The following CHI3L1 variants were observed in gnomAD, a reference collection of about 807,000 sequenced individuals.
The protein encoded by CHI3L1 is chitinase 3 like 1.
Under a neutral mutation model 40.7 loss-of-function variants are expected in CHI3L1, and 30 were observed. The observed-to-expected ratio is 0.74, with a 90% confidence interval of 0.55 to 1.00. The LOEUF is 1.00. CHI3L1 is among the 50% of genes least tolerant of loss of function. The probability of loss-of-function intolerance (pLI) is 0.00; values close to 1 mark genes in which losing one functional copy is unlikely to be tolerated. For missense variants in CHI3L1, 493 were observed against 492.2 expected, an observed-to-expected ratio of 1.00 and a Z score of -0.01; for synonymous variants, 210 against 192.1, an observed-to-expected ratio of 1.09 and a Z score of -0.77.
chr1:203,179,341 GCTCAGCCTGGGA>G lies in CHI3L1; in HGVS notation c.*92_*103del, dbSNP rs1655875939. 1 of 1,055,296 alleles carries G rather than the reference GCTCAGCCTGGGA, an allele frequency of 9.5e-7. No individual in the cohort carries two copies. Among genetic ancestry groups the G allele is most frequent in the Non-Finnish European group, 1.4e-6 (1 of 721,760 alleles). The allele number at this position is 1,055,296 out of a possible 1,614,324, so 65.4% of individuals were successfully genotyped here. On this transcript the variant is annotated 3_prime_UTR_variant, in exon 10 of 10. Transcript: ENST00000255409. ...TAGGCCCCAAGGGAGGGAGACTGAG[GCTCAGCCTGGGA>G]CTCAGCAGGGCAGGTGATCAGGCTC...
chr1:203,185,193 A>G lies in CHI3L1; in HGVS notation c.248T>C (p.Leu83Pro). The part of the protein sequence containing the change: ...DVTLYGMLNT[L>P]KNRNPNLKTL... ...CCAGCCCTGGCCCAACCTGTTCTTGAGTGTGTTGAGCATGCCGTAGAGCGT... is the reference window on the plus strand; with the variant it reads ...CCAGCCCTGGCCCAACCTGTTCTTGGGTGTGTTGAGCATGCCGTAGAGCGT... The change falls in exon 3 of 10, where the codon CTC becomes CCC. Residue 83 changes from leucine (L) to proline (P), a missense_variant. Coordinates refer to ENST00000255409, the MANE Select transcript of CHI3L1 (RefSeq NM_001276.4). 1 of 1,613,202 alleles carries G rather than the reference A, an allele frequency of 6.2e-7. No individual in the cohort carries two copies. The highest frequency in any genetic ancestry group is 8.5e-7 in the Non-Finnish European group (1 of 1,179,658).
chr1:203,183,068 A>G (rs1655970206), intron 5 of CHI3L1, among the ~76,000 whole-genome samples: 1 of 152,142 alleles, frequency 6.6e-6, no homozygotes. Context: ...AAACCCATGC[A>G]CACCCATCAG....
In CHI3L1 at chr1:203,179,419, C is replaced by G; in HGVS notation, c.*26G>C. The G allele has an allele frequency of 6.6e-7, 1 of 1,511,764 alleles. No homozygotes were observed. The highest frequency in any genetic ancestry group is 8.9e-7 in the Non-Finnish European group (1 of 1,128,788). 93.6% of individuals were successfully genotyped at this position (1,511,764 alleles called of 1,614,324 possible). The stretch of plus-strand genomic sequence containing the variant: ...CAGAGGGGGACGGGGCATCCTTGGC[C>G]CCCGTGCTGTGTGCAGAACAGAGGG... On this transcript the variant is annotated 3_prime_UTR_variant, in exon 10 of 10. Coordinates refer to ENST00000255409, the MANE Select transcript of CHI3L1 (RefSeq NM_001276.4).
At position 203,183,750 on chromosome 1, in the gene CHI3L1, A is replaced by G. The variant is rs999098195; in HGVS notation, c.356T>C (p.Phe119Ser). Residue 119 changes from phenylalanine (F) to serine (S), a missense_variant, in exon 5 of 10, where the codon TTC becomes TCC. Transcript: ENST00000255409. ...CAGAAATGGCGGTACTGACTTGATGAAAGTCCGGCGACTCTGGGTGTTGGA... is the reference window on the plus strand; with the variant it reads ...CAGAAATGGCGGTACTGACTTGATGGAAGTCCGGCGACTCTGGGTGTTGGA... The part of the protein sequence containing the change: ...IASNTQSRRT[F>S]IKSVPPFLRT... The G allele has an allele frequency of 6.2e-7, 1 of 1,614,192 alleles. No homozygotes were observed. Among genetic ancestry groups the G allele is most frequent in the Non-Finnish European group, 8.5e-7 (1 of 1,180,030 alleles).
At chr1:203,186,491 C>T in intron 1 of CHI3L1, 108 bp downstream of exon 1, 8 of 1,546,552 alleles carry the variant, frequency 5.2e-6, no homozygotes, top group Admixed American at 3.3e-5. Flanking sequence ...TTCTCCTCCC[C>T]CTCTGCCCAC....
intron 2 of CHI3L1, among the ~76,000 whole-genome samples, chr1:203,185,718 G>A (rs1452188620): frequency 6.6e-6 from 1 of 152,214 alleles, no homozygotes; most frequent in Non-Finnish European, 1.5e-5. Flanking sequence ...CAGGCTTCCT[G>A]GAAGCAGTGG....
chr1:203,185,369 C>A lies in CHI3L1; in HGVS notation c.72G>T (p.Leu24=). Residue 24 remains leucine, a synonymous_variant, in exon 3 of 10, where the codon CTG becomes CTT. Coordinates refer to ENST00000255409, the MANE Select transcript of CHI3L1 (RefSeq NM_001276.4). ...GGGACCAGCTGGTGTAGTAGCAGACCAGTTTGTATGCAGAGCCTGAAGGAG... is the reference window on the plus strand; with the variant it reads ...GGGACCAGCTGGTGTAGTAGCAGACAAGTTTGTATGCAGAGCCTGAAGGAG... ...VLLQCCSAYK[L]VCYYTSWSQY... 1 of 1,614,012 alleles carries A rather than the reference C, an allele frequency of 6.2e-7. No homozygotes were observed. The highest frequency in any genetic ancestry group is 8.5e-7 in the Non-Finnish European group (1 of 1,180,028).
intron 7 of CHI3L1, 37 bp downstream of exon 7, chr1:203,181,125 G>T: frequency 1.9e-6 from 3 of 1,610,098 alleles, no homozygotes; most frequent in Non-Finnish European, 2.5e-6. Context: ...CAGGTCTTGC[G>T]GCCCCCTCCT....
chr1:203,179,682 A>C (rs1020411445), intron 9 of CHI3L1, 79 bp downstream of exon 9: 12 of 1,613,994 alleles, frequency 7.4e-6, no homozygotes, highest in Non-Finnish European at 1.0e-5. Flanking sequence ...ACCTCAGTGC[A>C]AGGGACAGGA....
chr1:203,183,794 A>G lies in CHI3L1; in HGVS notation c.315-3T>C, dbSNP rs368392670. The G allele has an allele frequency of 2.5e-5, 41 of 1,614,034 alleles. No individual in the cohort carries two copies. In the African/African-American group the frequency reaches 4.9e-4, roughly 19 times the overall value. On this transcript the variant is annotated splice_polypyrimidine_tract_variant and splice_region_variant and intron_variant, in intron 4 of 9. Transcript: ENST00000255409. ...TGTTGGAGGCTATCTTGGAAAATCT[A>G]GGACCAAAATCAGCCCTGTAGCATG...
Position 203,181,202 on chromosome 1 carries a change from C to T in CHI3L1, c.671G>A (p.Arg224Gln), listed in dbSNP as rs114837679. The change falls in exon 7 of 10, where the codon CGA (arginine) becomes CAA (glutamine). Residue 224 changes from arginine (R) to glutamine (Q), a missense_variant. By Grantham distance (43) the Arg-to-Gln change is conservative. Coordinates refer to ENST00000255409, the MANE Select transcript of CHI3L1 (RefSeq NM_001276.4). ...GTTGHHSPLF[R>Q]GQEDASPDRF... ...GTCAGGACTTGCATCCTCCTGACCT[C>T]GGAACAGGGGACTGTGATGGCCTGT... The T allele has an allele frequency of 3.1e-4, 501 of 1,614,112 alleles. No homozygotes were observed. The highest frequency in any genetic ancestry group is 3.6e-4 in the Non-Finnish European group (427 of 1,180,000).
intron 2 of CHI3L1, among the ~76,000 whole-genome samples, chr1:203,186,110 A>G (rs975488595): frequency 3.3e-5 from 5 of 152,216 alleles, no homozygotes; most frequent in African/African-American, 1.2e-4. Flanking sequence ...TCTTATTTTG[A>G]GAATTTTCAC....
At position 203,183,681 on chromosome 1, in the gene CHI3L1, G is replaced by A. The variant is rs1655994547; in HGVS notation, c.425C>T (p.Pro142Leu). Residue 142 changes from proline to leucine, a missense_variant, in exon 5 of 10, where the codon CCT (proline) becomes CTT (leucine). Pro to Leu is a moderately conservative substitution (Grantham distance 98). Coordinates refer to ENST00000255409, the MANE Select transcript of CHI3L1 (RefSeq NM_001276.4). ...AAAATGCTGTTTGTCTCTCCGTCCA[G>A]GGTAGAGCCAGGCAAGGTCCAGCCC... ...FDGLDLAWLY[P>L]GRRDKQHFTT... The A allele has an allele frequency of 5.0e-6, 8 of 1,614,214 alleles. No individual in the cohort carries two copies. In the East Asian group the frequency reaches 8.9e-5, roughly 18 times the overall value.
At chr1:203,186,271 C>T (rs771988039) in intron 2 of CHI3L1, 45 bp downstream of exon 2, 31 of 1,560,066 alleles carry the variant, frequency 2.0e-5, no homozygotes, top group Admixed American at 1.5e-4. Flanking sequence ...CCTGTGCCCT[C>T]GCCACGCCTC....
At chr1:203,184,527 T>C (rs748053632) in intron 4 of CHI3L1, 49 bp downstream of exon 4, 1 of 1,500,984 alleles carries the variant, frequency 6.7e-7, no homozygotes, top group South Asian at 1.1e-5. Flanking sequence ...AGCTCCTCAC[T>C]CCTATGCCAT....
rs370216692 is a variant in CHI3L1 at position 203,186,400 on chromosome 1, G to T, written c.26-55C>A. The T allele has an allele frequency of 9.6e-6, 15 of 1,568,070 alleles. No homozygotes were observed. The African/African-American group carries it at 1.4e-4, about 14-fold the overall frequency. On this transcript the variant is annotated intron_variant, in intron 1 of 9. Transcript: ENST00000255409. ...CAAGTGCATCCTGCCCTTCCGCCCT[G>T]CTCCCTCCCCCAAGCAACTGAGACC...
rs1180838113 is a variant in CHI3L1 at position 203,182,760 on chromosome 1, G to A, written c.558C>T (p.Asp186=). The A allele has an allele frequency of 1.9e-6, 3 of 1,614,152 alleles. No homozygotes were observed. Among genetic ancestry groups the A allele is most frequent in the Admixed American group, 3.3e-5 (2 of 60,028 alleles). ...AALSAGKVTI[D]SSYDIAKISQ... ...ATATCTTGGCAATGTCATAGCTGCT[G>A]TCAATGGTGACCTTCCCCGCAGACA... The change falls in exon 6 of 10, where the codon GAC becomes GAT. Residue 186 remains aspartate, a synonymous_variant. Coordinates refer to ENST00000255409, the MANE Select transcript of CHI3L1 (RefSeq NM_001276.4).
chr1:203,185,475 G>T, intron 2 of CHI3L1, 90 bp from the exon 3 acceptor site: 1 of 1,133,792 alleles, frequency 8.8e-7, no homozygotes. Context: ...GGGGTGTGGG[G>T]TTGGGTAGGG....
chr1:203,180,779 G>A (rs761532067), intron 7 of CHI3L1, 127 bp from the exon 8 acceptor site: 23 of 692,166 alleles, frequency 3.3e-5, no homozygotes, highest in Admixed American at 1.4e-4. Context: ...CTGTCCCTCC[G>A]GGAACGGATC....
Sources: allele counts gnomAD v4.1 joint callset (sites outside exome capture counted in the v4.1 genomes callset), GRCh38; gene constraint gnomAD v4.1.1; transcripts MANE v1.5; gene names NCBI Gene and HGNC (gene_info 2026-07-23, HGNC 2026-07-21).